Variants in ADCY2 observed in about 807,000 individuals in gnomAD.
ADCY2 encodes the protein adenylate cyclase 2.
A neutral mutation model predicts 125.2 loss-of-function variants in ADCY2; 31 were observed. That is an observed-to-expected ratio of 0.25 (90% CI 0.19 to 0.33). The LOEUF (loss-of-function observed/expected upper bound fraction) is 0.33, where lower values mean the gene tolerates loss of function less well. Among genes scored for constraint, ADCY2 ranks in the 10% least tolerant of loss-of-function variants. The pLI is 1.00. For synonymous variants in ADCY2, 512 were observed against 548.4 expected (o/e 0.93, Z 0.93); for missense variants, 904 against 1,418.2 (o/e 0.64, Z 5.82).
chr5:7,702,613 A>T (rs1741125434), intron 7 of ADCY2, among the ~76,000 whole-genome samples: 1 of 152,098 alleles, frequency 6.6e-6, no homozygotes. Context: ...ACATTTTCTT[A>T]ATCCAATCTA....
chr5:7,500,479 C>A (rs550648672), intron 2 of ADCY2, among the ~76,000 whole-genome samples: 1 of 152,290 alleles, frequency 6.6e-6, no homozygotes, highest in Admixed American at 6.5e-5. Context: ...ACACCAACAG[C>A]AAAAACTCAT....
chr5:7,609,623 C>A (rs1042282676), intron 3 of ADCY2, among the ~76,000 whole-genome samples: 1 of 152,146 alleles, frequency 6.6e-6, no homozygotes, highest in Admixed American at 6.5e-5. Context: ...CAGGTGGGAT[C>A]TTGACCCTCA....
intron 1 of ADCY2, among the ~76,000 whole-genome samples, chr5:7,398,063 G>A (rs1739128549): frequency 6.6e-6 from 1 of 152,170 alleles, no homozygotes; most frequent in Admixed American, 6.5e-5. Flanking sequence ...AGGAAGAAAA[G>A]AAACATCAGA....
At chr5:7,769,447 A>C (rs1743493738) in intron 17 of ADCY2, among the ~76,000 whole-genome samples, 1 of 152,194 alleles carries the variant, frequency 6.6e-6, no homozygotes, top group East Asian at 1.9e-4. Flanking sequence ...AATTTTTAAA[A>C]ATAATACTAC....
At chr5:7,582,483 C>A (rs1324926842) in intron 3 of ADCY2, among the ~76,000 whole-genome samples, 1 of 151,904 alleles carries the variant, frequency 6.6e-6, no homozygotes, top group African/African-American at 2.4e-5. Flanking sequence ...AAATGACTGA[C>A]CCATATTCCA....
At chr5:7,565,625 G>C (rs904141372) in intron 3 of ADCY2, among the ~76,000 whole-genome samples, 13 of 152,182 alleles carry the variant, frequency 8.5e-5, no homozygotes, top group African/African-American at 2.9e-4. Flanking sequence ...ATTGATTGTA[G>C]GCCAGTGGCT....
At chr5:7,417,416 C>A (rs1258482925) in intron 2 of ADCY2, among the ~76,000 whole-genome samples, 1 of 152,074 alleles carries the variant, frequency 6.6e-6, no homozygotes, top group Non-Finnish European at 1.5e-5. Flanking sequence ...TTCTTTCTCC[C>A]TTTCATATCC....
chr5:7,523,513 G>A (rs1245183541), intron 3 of ADCY2, among the ~76,000 whole-genome samples: 2 of 152,126 alleles, frequency 1.3e-5, no homozygotes. Context: ...ATAACATGAA[G>A]TCCATTTCCC....
At chr5:7,506,789 CTTTTTTTTTTTTTTTTTTTTT>C (rs70940743) in intron 2 of ADCY2, among the ~76,000 whole-genome samples, 2 of 55,020 alleles carry the variant, frequency 3.6e-5, no homozygotes, top group East Asian at 1.1e-3. Context: ...ATGCGTTGCT[CTTTTTTTTTTTTTTTTTTTTT>C]TTTTTTTTGC....
At chr5:7,750,675 G>T (rs1459675039) in intron 15 of ADCY2, among the ~76,000 whole-genome samples, 1 of 150,900 alleles carries the variant, frequency 6.6e-6, no homozygotes, top group African/African-American at 2.4e-5. Flanking sequence ...CTAAAAACAG[G>T]ATTCCATAAT....
intron 15 of ADCY2, among the ~76,000 whole-genome samples, chr5:7,753,413 C>A (rs535678811): frequency 5.9e-5 from 9 of 152,216 alleles, no homozygotes; most frequent in African/African-American, 2.2e-4. Context: ...GGAGTTAAAC[C>A]AAAGATCAAA....
intron 12 of ADCY2, among the ~76,000 whole-genome samples, chr5:7,724,295 G>A (rs548735543): frequency 6.6e-6 from 1 of 151,898 alleles, no homozygotes; most frequent in African/African-American, 2.4e-5. Context: ...TGATATGACA[G>A]TTAGTTTATA....
chr5:7,623,216 C>T (rs900161888), intron 3 of ADCY2, among the ~76,000 whole-genome samples: 2 of 152,128 alleles, frequency 1.3e-5, no homozygotes, highest in East Asian at 1.9e-4. Context: ...AAAATGTTGA[C>T]GGGTTTGCTT....
intron 2 of ADCY2, among the ~76,000 whole-genome samples, chr5:7,445,739 A>G (rs963475397): frequency 1.3e-5 from 2 of 152,088 alleles, no homozygotes; most frequent in Admixed American, 6.5e-5. Context: ...TCATTCAATT[A>G]TTTTATTATG....
chr5:7,763,189 G>C (rs1743284597), intron 16 of ADCY2, among the ~76,000 whole-genome samples: 1 of 152,000 alleles, frequency 6.6e-6, no homozygotes, highest in East Asian at 1.9e-4. Flanking sequence ...CGCCTCCCGG[G>C]TTCACGCCAT....
chr5:7,581,343 A>T (rs1040330971), intron 3 of ADCY2, among the ~76,000 whole-genome samples: 1 of 152,174 alleles, frequency 6.6e-6, no homozygotes, highest in Non-Finnish European at 1.5e-5. Context: ...TATACTGTAT[A>T]GTAGAATTGG....
At chr5:7,533,136 CTA>C (rs1734705585) in intron 3 of ADCY2, among the ~76,000 whole-genome samples, 1 of 150,434 alleles carries the variant, frequency 6.6e-6, no homozygotes, top group Non-Finnish European at 1.5e-5. Flanking sequence ...CATATACACA[CTA>C]TATTAAATAT....
At chr5:7,806,780 T>C (rs897001051) in intron 22 of ADCY2, among the ~76,000 whole-genome samples, 2 of 152,252 alleles carry the variant, frequency 1.3e-5, no homozygotes, top group Non-Finnish European at 1.5e-5. Flanking sequence ...AACATATAAA[T>C]TTTAGGGAGG....
intron 2 of ADCY2, among the ~76,000 whole-genome samples, chr5:7,476,539 A>G (rs1742531965): frequency 6.6e-6 from 1 of 152,182 alleles, no homozygotes; most frequent in Non-Finnish European, 1.5e-5. Flanking sequence ...GGCTTCTTCT[A>G]GGCCCCTTCC....
Sources: allele counts gnomAD v4.1 joint callset (sites outside exome capture counted in the v4.1 genomes callset), GRCh38; gene constraint gnomAD v4.1.1; transcripts MANE v1.5; gene names NCBI Gene and HGNC (gene_info 2026-07-23, HGNC 2026-07-21).